The following CNTNAP2 variants were observed in gnomAD, a reference collection of about 807,000 sequenced individuals.
The protein encoded by CNTNAP2 is contactin-associated protein-like 2.
A neutral mutation model predicts 155.2 loss-of-function variants in CNTNAP2; 98 were observed. That is an observed-to-expected ratio of 0.63 (90% CI 0.54 to 0.75). CNTNAP2 has a LOEUF of 0.75. Ranked by LOEUF, CNTNAP2 falls within the 30% of genes least tolerant of loss-of-function variation. The pLI, the probability that CNTNAP2 is intolerant of heterozygous loss-of-function variation, is 0.00. For missense variants in CNTNAP2, 1,727 were observed against 1,688.1 expected (o/e 1.02, Z -0.40); for synonymous variants, 651 against 631.2 (o/e 1.03, Z -0.47).
intron 21 of CNTNAP2, among the ~76,000 whole-genome samples, chr7:148,382,208 A>T (rs543432628): frequency 1.4e-3 from 219 of 152,334 alleles, no homozygotes; most frequent in African/African-American, 5.1e-3. Flanking sequence ...GCCAATGCTC[A>T]CAGCCCCACA....
intron 21 of CNTNAP2, among the ~76,000 whole-genome samples, chr7:148,332,140 G>T (rs1174216037): frequency 7.0e-6 from 1 of 143,372 alleles, no homozygotes; most frequent in Non-Finnish European, 1.5e-5. Context: ...ATTTTACCTG[G>T]TAAAATCATG....
chr7:148,039,120 C>A (rs967048134), intron 15 of CNTNAP2, among the ~76,000 whole-genome samples: 1 of 152,072 alleles, frequency 6.6e-6, no homozygotes, highest in African/African-American at 2.4e-5. Flanking sequence ...ACCAGGGAAG[C>A]TGGTAGCATG....
chr7:148,119,044 T>C (rs1368505469), intron 16 of CNTNAP2, among the ~76,000 whole-genome samples: 1 of 152,096 alleles, frequency 6.6e-6, no homozygotes, highest in Admixed American at 6.6e-5. Context: ...CAATTCAGCT[T>C]TAGGAAGTTA....
chr7:148,418,395 C>T lies in CNTNAP2; in HGVS notation c.*2779C>T. On this transcript the variant is annotated 3_prime_UTR_variant, in exon 24 of 24. Transcript: ENST00000361727. ...ATTCCAATACATTATCAAGCAAGCA[C>T]AAGTATGCTGGTAGTAGCCTCTTTA... 1 of 152,152 alleles carries T rather than the reference C, an allele frequency of 6.6e-6. No homozygotes were observed. The highest frequency in any genetic ancestry group is 1.5e-5 in the Non-Finnish European group (1 of 68,028). The allele number at this position is 152,152 out of a possible 1,614,324, so 9.4% of individuals were successfully genotyped here.
chr7:146,449,099 A>T (rs563925898), intron 1 of CNTNAP2, among the ~76,000 whole-genome samples: 1 of 152,038 alleles, frequency 6.6e-6, no homozygotes, highest in Non-Finnish European at 1.5e-5. Context: ...TCTGCCCTAT[A>T]CATTCTACTG....
chr7:147,594,125 CT>C (rs397827040), intron 12 of CNTNAP2, among the ~76,000 whole-genome samples: 3,140 of 119,930 alleles, frequency 0.026, 51 homozygotes, highest in Non-Finnish European at 0.036. Flanking sequence ...TCTGGTGTCT[CT>C]TTTTTTTTTT....
In CNTNAP2 at chr7:148,094,306, A is replaced by C. The variant is rs192254853; in HGVS notation, c.2384-23812A>C. ...AAGTGCATAGCACAGTAAATGACAC[A>C]TATTAAACATAGACAAATATTAGCT... On this transcript the variant is annotated intron_variant, in intron 15 of 23. Coordinates refer to ENST00000361727, the MANE Select transcript of CNTNAP2 (RefSeq NM_014141.6). 3.5e-4 allele frequency among the ~76,000 whole-genome samples: 53 copies of C among 152,372 alleles called. No individual in the cohort carries two copies. In the East Asian group the frequency reaches 9.3e-3, roughly 27 times the overall value.
chr7:146,846,288 T>C (rs772638354), intron 3 of CNTNAP2, among the ~76,000 whole-genome samples: 2 of 151,986 alleles, frequency 1.3e-5, no homozygotes, highest in Non-Finnish European at 2.9e-5. Context: ...ATATTCATAA[T>C]AATTTTATAG....
intron 3 of CNTNAP2, among the ~76,000 whole-genome samples, chr7:146,972,424 A>G (rs1327035857): frequency 6.6e-6 from 1 of 150,914 alleles, no homozygotes; most frequent in African/African-American, 2.5e-5. Context: ...TTTGTGTTTT[A>G]TTTTAATGAA....
rs78395394 is a variant in CNTNAP2 at position 146,672,758 on chromosome 7, A to G, written c.98-101513A>G. Among the ~76,000 whole-genome samples, 1,508 of 152,326 alleles carry G rather than the reference A, an allele frequency of 9.9e-3. 26 individuals are homozygous for G. Among genetic ancestry groups the G allele is most frequent in the African/African-American group, 0.035 (1,443 of 41,576 alleles). On this transcript the variant is annotated intron_variant, in intron 1 of 23. Transcript: ENST00000361727. ...GTGTCTTTAGAAAGATAAAATAACC[A>G]AACAATCATAACACATTATTCTCAA...
At chr7:147,615,654 T>C (rs1375841014) in intron 12 of CNTNAP2, among the ~76,000 whole-genome samples, 1 of 152,032 alleles carries the variant, frequency 6.6e-6, no homozygotes, top group Non-Finnish European at 1.5e-5. Context: ...CTTTTAAAAA[T>C]AGAAAACGCC....
chr7:146,153,618 C>A (rs1039378515), intron 1 of CNTNAP2, among the ~76,000 whole-genome samples: 1 of 152,130 alleles, frequency 6.6e-6, no homozygotes, highest in Admixed American at 6.6e-5. Context: ...TGCTCTATCT[C>A]ATATGGAGGG....
chr7:147,601,490 G>A (rs1399185799), intron 12 of CNTNAP2, among the ~76,000 whole-genome samples: 3 of 151,860 alleles, frequency 2.0e-5, no homozygotes, highest in Non-Finnish European at 4.4e-5. Context: ...GAATGAACAG[G>A]CCATTTTCAC....
At chr7:147,276,401 C>A (rs1804896983) in intron 8 of CNTNAP2, among the ~76,000 whole-genome samples, 1 of 151,936 alleles carries the variant, frequency 6.6e-6, no homozygotes, top group Non-Finnish European at 1.5e-5. Flanking sequence ...ATATACATAT[C>A]TAAGCCCAAT....
chr7:146,839,023 T>C (rs1031381355), intron 2 of CNTNAP2, among the ~76,000 whole-genome samples: 2 of 152,168 alleles, frequency 1.3e-5, no homozygotes, highest in African/African-American at 4.8e-5. Flanking sequence ...AACAAATGTT[T>C]TTACATTCTT....
intron 21 of CNTNAP2, among the ~76,000 whole-genome samples, chr7:148,300,190 C>T (rs1797357425): frequency 6.6e-6 from 1 of 152,162 alleles, no homozygotes; most frequent in Admixed American, 6.5e-5. Context: ...AAAGAAAATC[C>T]TTGACATTGG....
intron 13 of CNTNAP2, among the ~76,000 whole-genome samples, chr7:147,863,924 T>C (rs984553798): frequency 6.6e-6 from 1 of 152,218 alleles, no homozygotes; most frequent in African/African-American, 2.4e-5. Flanking sequence ...AGAAGCTCTT[T>C]GGTTTAATCA....
intron 21 of CNTNAP2, among the ~76,000 whole-genome samples, chr7:148,318,332 C>T (rs1287491503): frequency 1.3e-5 from 2 of 152,204 alleles, no homozygotes; most frequent in Non-Finnish European, 2.9e-5. Flanking sequence ...ATTAGCAATG[C>T]GAATGTTCAC....
chr7:148,304,541 G>A (rs1449672262), intron 21 of CNTNAP2, among the ~76,000 whole-genome samples: 4 of 152,170 alleles, frequency 2.6e-5, no homozygotes, highest in Admixed American at 6.5e-5. Flanking sequence ...GGCTTTGAGA[G>A]CCATAGAGTC....
Sources: gnomAD v4.1 joint callset for allele counts (sites outside exome capture counted in the v4.1 genomes callset) on GRCh38, gnomAD v4.1.1 for gene constraint, MANE v1.5 for transcripts, NCBI Gene and HGNC (gene_info 2026-07-23, HGNC 2026-07-21) for gene names.